The following ANK2 variants were observed in gnomAD, a reference collection of about 807,000 sequenced individuals.
ANK2 encodes the protein ankyrin 2.
In ANK2, 83 loss-of-function variants were observed where a neutral mutation model predicts 360.5. That is an observed-to-expected ratio of 0.23 (90% CI 0.19 to 0.28). The LOEUF (loss-of-function observed/expected upper bound fraction) is 0.28. Ranked by LOEUF, ANK2 falls within the 10% of genes least tolerant of loss-of-function variation. The probability of loss-of-function intolerance (pLI) is 1.00; values close to 1 mark genes in which losing one functional copy is unlikely to be tolerated. For missense variants in ANK2, 4,201 were observed against 4,795.7 expected, an observed-to-expected ratio of 0.88 and a Z score of 3.66; for synonymous variants, 1,740 against 1,759.5, an observed-to-expected ratio of 0.99 and a Z score of 0.28.
chr4:112,989,231 T>A (rs116413671), intron 2 of ANK2, among the ~76,000 whole-genome samples: 3,109 of 152,266 alleles, frequency 0.02, 89 homozygotes, highest in African/African-American at 0.06. Flanking sequence ...ATTTTAATAA[T>A]AATAATGTAA....
chr4:112,843,538 C>A lies in ANK2; in HGVS notation c.-40+25274C>A, dbSNP rs1228989370. On this transcript the variant is annotated intron_variant, in intron 1 of 30. Coordinates refer to the ANK2 transcript ENST00000503271. ...AACATTGCATGTGCCATTCCACCCA[C>A]CTTCATCTTTAATACACATTAGCAT... Among the ~76,000 whole-genome samples the A allele has an allele frequency of 2.0e-5, 3 of 152,172 alleles. No individual in the cohort carries two copies. In the East Asian group the frequency reaches 5.8e-4, roughly 29 times the overall value.
intron 1 of ANK2, chr4:113,141,555 A>G (rs935337116): frequency 1.3e-5 from 2 of 152,226 alleles, no homozygotes; most frequent in African/African-American, 2.4e-5. Context: ...AAAGGTTACA[A>G]AAGTCCACAC....
At chr4:113,075,656 C>G (rs557925430) in intron 1 of ANK2, among the ~76,000 whole-genome samples, 1 of 152,148 alleles carries the variant, frequency 6.6e-6, no homozygotes, top group Non-Finnish European at 1.5e-5. Flanking sequence ...TTATTTACCT[C>G]TTTAATCTGA....
chr4:113,107,311 G>C (rs1444443145), intron 1 of ANK2, among the ~76,000 whole-genome samples: 1 of 152,060 alleles, frequency 6.6e-6, no homozygotes, highest in Non-Finnish European at 1.5e-5. Context: ...CAGTCTCCCA[G>C]GTTTAAACGA....
intron 1 of ANK2, among the ~76,000 whole-genome samples, chr4:113,074,897 T>TA (rs2079233690): frequency 6.6e-6 from 1 of 152,246 alleles, no homozygotes; most frequent in Non-Finnish European, 1.5e-5. Flanking sequence ...GTGCTACTCC[T>TA]AAAAGTTACT....
chr4:113,367,928 T>TA lies in ANK2; in HGVS notation c.11318+79dup, dbSNP rs1357108435. On this transcript the variant is annotated intron_variant, in intron 42 of 45. Transcript: ENST00000357077. ...TGTGGATGCCAGGCATATATAAGCA[T>TA]AACTAGTTTTTAAATACTTTTTAAA... 6 of 1,547,984 alleles carry TA rather than the reference T, an allele frequency of 3.9e-6. No homozygotes were observed. The Admixed American group carries it at 8.5e-5, about 22-fold the overall frequency.
At chr4:112,845,431 T>G (rs2149857738) in intron 1 of ANK2, among the ~76,000 whole-genome samples, 1 of 152,284 alleles carries the variant, frequency 6.6e-6, no homozygotes, top group African/African-American at 2.4e-5. Flanking sequence ...GATTTCTTCC[T>G]TAGGTTGCAA....
At chr4:113,142,752 A>T (rs753976074) in intron 1 of ANK2, among the ~76,000 whole-genome samples, 2 of 152,154 alleles carry the variant, frequency 1.3e-5, no homozygotes, top group Non-Finnish European at 2.9e-5. Flanking sequence ...GGGTAGAAGA[A>T]AACAAATAAC....
In ANK2 at chr4:112,845,412, T is replaced by C. The variant is rs537519811; in HGVS notation, c.-40+27148T>C. On this transcript the variant is annotated intron_variant, in intron 1 of 30. Coordinates refer to the ANK2 transcript ENST00000503271. ...AACAACAGGGACAAAGTTAGTTAAATATAGAATAGATTTCTTCCTTAGGTT... is the reference window on the plus strand; with the variant it reads ...AACAACAGGGACAAAGTTAGTTAAACATAGAATAGATTTCTTCCTTAGGTT... 3.3e-5 allele frequency among the ~76,000 whole-genome samples: 5 copies of C among 152,018 alleles called. No homozygotes were observed. The South Asian group carries it at 1.0e-3, about 32-fold the overall frequency.
chr4:113,280,302 G>A (rs958167983), intron 17 of ANK2, among the ~76,000 whole-genome samples: 6 of 152,190 alleles, frequency 3.9e-5, no homozygotes, highest in Admixed American at 2.0e-4. Context: ...GTTTTCCTAA[G>A]GAGATAAACA....
chr4:113,258,491 T>C, intron 13 of ANK2, 80 bp downstream of exon 13: 1 of 1,364,606 alleles, frequency 7.3e-7, no homozygotes, highest in Admixed American at 1.7e-5. Flanking sequence ...TATGTGTGTT[T>C]GCGTGTATGT....
At chr4:112,873,266 G>A (rs755890270) in intron 1 of ANK2, among the ~76,000 whole-genome samples, 4 of 151,064 alleles carry the variant, frequency 2.6e-5, no homozygotes, top group Non-Finnish European at 5.9e-5. Flanking sequence ...GGCTTAGGTC[G>A]CTCTCCTTTT....
chr4:113,255,171 C>G (rs1030990555), intron 10 of ANK2, among the ~76,000 whole-genome samples: 1 of 152,322 alleles, frequency 6.6e-6, no homozygotes, highest in African/African-American at 2.4e-5. Context: ...GCCTCACACT[C>G]TTCTAGCCCT....
chr4:112,827,162 A>C, intron 1 of ANK2: 1 of 1,165,800 alleles, frequency 8.6e-7, no homozygotes, highest in Non-Finnish European at 1.3e-6. Context: ...GCAAGTGAAA[A>C]TTACATCCTG....
At chr4:113,248,135 T>G (rs1354290423) in intron 9 of ANK2, among the ~76,000 whole-genome samples, 1 of 152,218 alleles carries the variant, frequency 6.6e-6, no homozygotes, top group African/African-American at 2.4e-5. Context: ...ATCTTCGTAC[T>G]AGCTAAATGG....
the ANK2 span, among the ~76,000 whole-genome samples, chr4:112,712,354 A>G: frequency 6.7e-6 from 1 of 148,404 alleles, no homozygotes; most frequent in Non-Finnish European, 1.5e-5. Context: ...TGCTGGGATT[A>G]CAGGTGTGAG....
the ANK2 span, among the ~76,000 whole-genome samples, chr4:112,812,060 G>A: frequency 9.0e-6 from 1 of 110,966 alleles, no homozygotes; most frequent in Admixed American, 1.3e-4. Flanking sequence ...GGGCAACGGA[G>A]CAAGACTCCG....
intron 35 of ANK2, among the ~76,000 whole-genome samples, chr4:113,346,611 G>T (rs2094888445): frequency 6.6e-6 from 1 of 152,164 alleles, no homozygotes; most frequent in South Asian, 2.1e-4. Flanking sequence ...TACTCTGGAG[G>T]CTGGGGTGAG....
Position 113,354,894 on chromosome 4 carries a change from AC to A in ANK2, c.6278del (p.Pro2093LeufsTer63). ...GKEKVLSHKI[P>X]EPVQSVPEEE... ...AGGAGAAAGTTCTCAGCCACAAAATACCTGAACCTGTTCAGTCAGTGCCTGA... is the reference window on the plus strand; with the variant it reads ...AGGAGAAAGTTCTCAGCCACAAAATACTGAACCTGTTCAGTCAGTGCCTGA... On this transcript the variant is annotated frameshift_variant, in exon 38 of 46. Transcript: ENST00000357077. LOFTEE classifies it high-confidence loss of function. 6.2e-7 allele frequency: 1 copy of A among 1,614,120 alleles called. No individual in the cohort carries two copies. The highest frequency in any genetic ancestry group is 8.5e-7 in the Non-Finnish European group (1 of 1,179,996).
Sources: allele counts gnomAD v4.1 joint callset (sites outside exome capture counted in the v4.1 genomes callset), GRCh38; gene constraint gnomAD v4.1.1; transcripts MANE v1.5; gene names NCBI Gene and HGNC (gene_info 2026-07-23, HGNC 2026-07-21).